ABCD2: variants seen among roughly 807,000 people sequenced by gnomAD.
ABCD2 encodes ATP-binding cassette sub-family D member 2.
ABCD2 carries 36 observed loss-of-function variants against 70.9 expected under a neutral mutation model. The observed-to-expected ratio is 0.51, with a 90% CI of 0.39 to 0.67. The LOEUF (loss-of-function observed/expected upper bound fraction) is 0.67. Among genes scored for constraint, ABCD2 ranks in the 30% least tolerant of loss-of-function variants. The pLI, the probability that ABCD2 is intolerant of heterozygous loss-of-function variation, is 0.00. For missense variants in ABCD2, 729 were observed against 890.2 expected (o/e 0.82, Z 2.30); for synonymous variants, 304 against 306.9 (o/e 0.99, Z 0.10).
At chr12:39,549,923 A>T (rs530116854), downstream of ABCD2, 52 of 151,960 alleles carry the variant, frequency 3.4e-4, no homozygotes, top group African/African-American at 1.1e-3. Context: ...TGAAGTCTGT[A>T]AATGCAATGA....
rs71075064 is a variant in ABCD2, at chr12:39,613,385, CAAAAAAAAAAAAAAAAAAAA to C, written c.1120+3583_1120+3602del. On this transcript the variant is annotated intron_variant, in intron 2 of 9. Transcript: ENST00000308666. ...TGGGCGACAGAGCGAGACTCCGTCT[CAAAAAAAAAAAAAAAAAAAA>C]AAAAAAAAAAAAGAATTGAGGTTGT... Among the ~76,000 whole-genome samples the C allele has an allele frequency of 8.5e-5, 2 of 23,606 alleles. 1 individual carries two copies. Among genetic ancestry groups the C allele is most frequent in the Non-Finnish European group, 1.2e-4 (2 of 16,492 alleles). 15.5% of individuals were successfully genotyped at this position (23,606 alleles called of 152,430 possible). A position where few individuals can be genotyped will look rare whatever the true frequency, so the allele number is the denominator to read the frequency against.
At chr12:39,614,166 G>T (rs1399378556) in intron 2 of ABCD2, among the ~76,000 whole-genome samples, 2 of 152,136 alleles carry the variant, frequency 1.3e-5, no homozygotes, top group African/African-American at 2.4e-5. Context: ...TACATGATTT[G>T]CCCAGGGTCA....
rs570562663 is a variant in ABCD2, at chr12:39,610,235, C to A, written c.1121-2521G>T. ...CTGATTTCATGGACTATCAGAATCA[C>A]CATGAGTTCATGGAGATGTTTTACC... On this transcript the variant is annotated intron_variant, in intron 2 of 9. Transcript: ENST00000308666. 2.0e-5 allele frequency among the ~76,000 whole-genome samples: 3 copies of A among 152,274 alleles called. No homozygotes were observed. The South Asian group carries it at 6.2e-4, about 32-fold the overall frequency.
intron 2 of ABCD2, among the ~76,000 whole-genome samples, chr12:39,610,172 A>C (rs2120759950): frequency 6.6e-6 from 1 of 152,316 alleles, no homozygotes; most frequent in Non-Finnish European, 1.5e-5. Context: ...ATTGAATGAC[A>C]AACTGGTTAA....
chr12:39,553,837 C>G lies in ABCD2; in HGVS notation c.*75G>C. ...CTTTTTTTCTCTGTGCTTAGCTTAACATACTTCATGCAGTATAACAGAATG... is the reference window on the plus strand; with the variant it reads ...CTTTTTTTCTCTGTGCTTAGCTTAAGATACTTCATGCAGTATAACAGAATG... On this transcript the variant is annotated 3_prime_UTR_variant, in exon 10 of 10. Coordinates refer to ENST00000308666, the MANE Select transcript of ABCD2 (RefSeq NM_005164.4). The G allele has an allele frequency of 1.8e-6, 2 of 1,103,802 alleles. No individual in the cohort carries two copies. The highest frequency in any genetic ancestry group is 2.6e-6 in the Non-Finnish European group (2 of 775,530). 68.4% of individuals were successfully genotyped at this position (1,103,802 alleles called of 1,614,324 possible).
chr12:39,563,931 TC>T (rs1228773560), intron 9 of ABCD2, among the ~76,000 whole-genome samples: 1 of 152,218 alleles, frequency 6.6e-6, no homozygotes, highest in Non-Finnish European at 1.5e-5. Flanking sequence ...TCCAGCTTCA[TC>T]CATGTCCTTA....
rs768203523 is a variant in ABCD2 at position 39,619,468 on chromosome 12, C to T, written c.148G>A (p.Gly50Arg). ...IGKRLKQSGH[G>R]KKKAAAYPAA... ...GGGTAAGCTGCTGCTTTTTTCTTCC[C>T]GTGGCCAGATTGCTTTAAACGCTTG... Residue 50 changes from glycine to arginine, a missense_variant, in exon 1 of 10, where the codon GGG becomes AGG. This residue lies in a region of ABCD2 where 245 missense variants were observed against 261.2 expected (regional missense o/e 0.94). Transcript: ENST00000308666. The T allele has an allele frequency of 3.1e-6, 5 of 1,613,776 alleles. No individual in the cohort carries two copies. The highest frequency in any genetic ancestry group is 1.3e-5 in the African/African-American group (1 of 74,984).
At chr12:39,575,655 C>A (rs1666275588) in intron 8 of ABCD2, among the ~76,000 whole-genome samples, 1 of 152,166 alleles carries the variant, frequency 6.6e-6, no homozygotes, top group Non-Finnish European at 1.5e-5. Flanking sequence ...TCTTTCACAT[C>A]ACAATTCAAA....
intron 7 of ABCD2, among the ~76,000 whole-genome samples, chr12:39,584,272 T>C (rs1941636147): frequency 6.6e-6 from 1 of 152,168 alleles, no homozygotes; most frequent in Non-Finnish European, 1.5e-5. Flanking sequence ...TGATCAGTGA[T>C]ATTGAGCTTT....
chr12:39,552,443 T>C lies in ABCD2; in HGVS notation c.*1469A>G, dbSNP rs1013478325. 8 of 151,952 alleles carry C rather than the reference T, an allele frequency of 5.3e-5. No homozygotes were observed. The highest frequency in any genetic ancestry group is 1.9e-4 in the African/African-American group (8 of 41,440). 9.4% of individuals were successfully genotyped at this position (151,952 alleles called of 1,614,324 possible). ...ATGTGGTATCACAGGCAGCAAGAGA[T>C]AAAGTTTCAGTCTTGGCTTTCCAGC... On this transcript the variant is annotated 3_prime_UTR_variant, in exon 10 of 10. Transcript: ENST00000308666.
intron 7 of ABCD2, among the ~76,000 whole-genome samples, chr12:39,584,244 T>G (rs1941635743): frequency 6.6e-6 from 1 of 152,208 alleles, no homozygotes; most frequent in Non-Finnish European, 1.5e-5. Context: ...ATTGTGGTTT[T>G]GATGTGCATT....
At chr12:39,571,218 G>T (rs949361845) in intron 9 of ABCD2, among the ~76,000 whole-genome samples, 9 of 152,042 alleles carry the variant, frequency 5.9e-5, no homozygotes, top group African/African-American at 2.2e-4. Context: ...TCCCCCACTG[G>T]GAATATATGC....
chr12:39,538,773 G>A, the ABCD2 span, among the ~76,000 whole-genome samples: 1 of 152,216 alleles, frequency 6.6e-6, no homozygotes, highest in Non-Finnish European at 1.5e-5. Context: ...GATAGCAGAA[G>A]CGGGAAGAGA....
intron 8 of ABCD2, 72 bp downstream of exon 8, chr12:39,579,463 T>A: frequency 1.9e-6 from 2 of 1,076,350 alleles, no homozygotes; most frequent in South Asian, 2.8e-5. Flanking sequence ...TGTCCAAACT[T>A]TTGTTGTTCC....
At chr12:39,585,895 T>C (rs1314945978) in intron 7 of ABCD2, among the ~76,000 whole-genome samples, 2 of 152,026 alleles carry the variant, frequency 1.3e-5, no homozygotes, top group African/African-American at 2.4e-5. Flanking sequence ...CATTCGAATA[T>C]AAAAGAAAAA....
intron 6 of ABCD2, among the ~76,000 whole-genome samples, chr12:39,599,448 A>T: frequency 6.6e-6 from 1 of 152,220 alleles, no homozygotes; most frequent in Admixed American, 6.5e-5. Context: ...TTCCCAAAGG[A>T]ATTGAAAGCA....
At chr12:39,614,323 A>G (rs995004469) in intron 2 of ABCD2, among the ~76,000 whole-genome samples, 2 of 152,238 alleles carry the variant, frequency 1.3e-5, no homozygotes, top group African/African-American at 2.4e-5. Context: ...AGTATGTTAC[A>G]TGTAACTTCG....
intron 9 of ABCD2, 56 bp from the exon 10 acceptor site, chr12:39,554,187 G>C: frequency 6.6e-7 from 1 of 1,516,116 alleles, no homozygotes; most frequent in East Asian, 2.3e-5. Flanking sequence ...AATCATTTTA[G>C]TTGTAGGTTT....
chr12:39,536,029 G>T, the ABCD2 span, among the ~76,000 whole-genome samples: 2 of 152,140 alleles, frequency 1.3e-5, no homozygotes, highest in Non-Finnish European at 2.9e-5. Flanking sequence ...AGGCGAGGCT[G>T]CAGTGAGCCG....
Sources: gnomAD v4.1 joint callset for allele counts (sites outside exome capture counted in the v4.1 genomes callset) on GRCh38, gnomAD v4.1.1 for gene constraint, gnomAD v4.1.1 regional missense constraint, MANE v1.5 for transcripts, NCBI Gene and HGNC (gene_info 2026-07-23, HGNC 2026-07-21) for gene names.